The following FRMPD4 variants were observed in gnomAD, a reference collection of about 807,000 sequenced individuals.
The protein encoded by FRMPD4 is FERM and PDZ domain-containing protein 4.
In FRMPD4, 22 loss-of-function variants were observed where a neutral mutation model predicts 94.1. That is an observed-to-expected ratio of 0.23 (90% CI 0.17 to 0.33). The LOEUF is 0.33. FRMPD4 is among the 10% of genes least tolerant of loss of function. The pLI, the probability that FRMPD4 is intolerant of heterozygous loss-of-function variation, is 1.00. For missense variants in FRMPD4, 1,111 were observed against 1,339.9 expected, an observed-to-expected ratio of 0.83 and a Z score of 2.67; for synonymous variants, 631 against 548.6, an observed-to-expected ratio of 1.15 and a Z score of -2.10.
intron 3 of FRMPD4, among the ~76,000 whole-genome samples, chrX:11,928,771 A>G (rs768704720): frequency 6.2e-5 from 7 of 112,530 alleles, no homozygotes; most frequent in Non-Finnish European, 1.3e-4. Context: ...TATATACCCA[A>G]TGGAATGTAA....
intron 1 of FRMPD4, among the ~76,000 whole-genome samples, chrX:12,144,187 G>A (rs910313375): frequency 2.7e-5 from 3 of 112,112 alleles, no homozygotes; most frequent in Non-Finnish European, 5.6e-5. Flanking sequence ...CAGATAAGTG[G>A]ATTTAGTTGT....
chrX:12,278,379 C>T (rs2054474458), intron 1 of FRMPD4, among the ~76,000 whole-genome samples: 1 of 111,866 alleles, frequency 8.9e-6, no homozygotes, highest in Non-Finnish European at 1.9e-5. Flanking sequence ...ATTCTTTTCC[C>T]AACTGGCTTC....
chrX:11,964,716 G>T (rs999117150), intron 3 of FRMPD4, among the ~76,000 whole-genome samples: 1 of 112,541 alleles, frequency 8.9e-6, no homozygotes, highest in African/African-American at 3.2e-5. Context: ...TATGTCCTGT[G>T]TCAGTTGTCT....
chrX:12,231,021 ATATATATAG>A (rs2056991492), intron 1 of FRMPD4, among the ~76,000 whole-genome samples: 1 of 51,809 alleles, frequency 1.9e-5, no homozygotes, highest in African/African-American at 7.4e-5. Flanking sequence ...TATATATAGT[ATATATATAG>A]TATATATATA....
intron 1 of FRMPD4, among the ~76,000 whole-genome samples, chrX:12,211,466 G>A (rs1236800450): frequency 8.9e-6 from 1 of 112,196 alleles, no homozygotes; most frequent in Non-Finnish European, 1.9e-5. Flanking sequence ...TGCATGTTTA[G>A]TTTAGTAGAG....
At chrX:12,688,301 A>G (rs986123703) in intron 7 of FRMPD4, among the ~76,000 whole-genome samples, 1 of 112,065 alleles carries the variant, frequency 8.9e-6, no homozygotes, top group Non-Finnish European at 1.9e-5. Context: ...ACTTGAATGC[A>G]TTTCTTAACA....
At chrX:12,427,400 A>G (rs2056957738) in intron 1 of FRMPD4, among the ~76,000 whole-genome samples, 1 of 111,453 alleles carries the variant, frequency 9.0e-6, no homozygotes, top group African/African-American at 3.3e-5. Flanking sequence ...GACAAGTACT[A>G]TGCAAACACC....
intron 1 of FRMPD4, among the ~76,000 whole-genome samples, chrX:11,863,308 G>T (rs2053699388): frequency 9.1e-6 from 1 of 110,122 alleles, no homozygotes; most frequent in Non-Finnish European, 1.9e-5. Flanking sequence ...TGCTGAGAAT[G>T]ATGGTTTCCA....
intron 1 of FRMPD4, among the ~76,000 whole-genome samples, chrX:12,166,092 A>G (rs1403299431): frequency 8.9e-6 from 1 of 111,915 alleles, no homozygotes; most frequent in East Asian, 2.8e-4. Flanking sequence ...ACTATGTTGA[A>G]TAGGAGTGGT....
At chrX:12,499,484 C>T (rs752709274) in intron 2 of FRMPD4, among the ~76,000 whole-genome samples, 57 of 112,175 alleles carry the variant, frequency 5.1e-4, no homozygotes, top group Non-Finnish European at 9.0e-4. Flanking sequence ...TTTCATGATA[C>T]CCGAAAGAAT....
chrX:12,592,604 C>A (rs766409644), intron 2 of FRMPD4, among the ~76,000 whole-genome samples: 2 of 111,268 alleles, frequency 1.8e-5, no homozygotes, highest in African/African-American at 6.5e-5. Flanking sequence ...ATTCTTGTAC[C>A]CTTCTTGCTT....
chrX:12,693,865 A>G (rs1234668640), intron 8 of FRMPD4, among the ~76,000 whole-genome samples: 3 of 111,656 alleles, frequency 2.7e-5, no homozygotes, highest in Admixed American at 9.5e-5. Flanking sequence ...ACCGGAGCCC[A>G]TCGTGTCCAA....
At chrX:12,478,248 G>T (rs908297402) in intron 1 of FRMPD4, among the ~76,000 whole-genome samples, 1 of 111,860 alleles carries the variant, frequency 8.9e-6, no homozygotes, top group Non-Finnish European at 1.9e-5. Context: ...AGCATTCCAA[G>T]GACAGGAACT....
chrX:11,923,159 T>C (rs1277406164), intron 3 of FRMPD4, among the ~76,000 whole-genome samples: 1 of 112,905 alleles, frequency 8.9e-6, no homozygotes, highest in African/African-American at 3.2e-5. Context: ...CATGGGCAGG[T>C]TTTGCTTTAC....
intron 3 of FRMPD4, among the ~76,000 whole-genome samples, chrX:12,026,042 T>C (rs2054659574): frequency 8.9e-6 from 1 of 112,101 alleles, no homozygotes; most frequent in African/African-American, 3.2e-5. Context: ...CTCAGTGGTC[T>C]ACATATCAAT....
chrX:12,573,432 G>C (rs1003715329), intron 2 of FRMPD4, among the ~76,000 whole-genome samples: 19 of 112,589 alleles, frequency 1.7e-4, no homozygotes, highest in African/African-American at 5.5e-4. Context: ...GAATCTTAGA[G>C]TGAAGTGGGT....
At chrX:11,923,107 C>T (rs936963926) in intron 3 of FRMPD4, among the ~76,000 whole-genome samples, 1 of 113,026 alleles carries the variant, frequency 8.8e-6, no homozygotes, top group Non-Finnish European at 1.9e-5. Flanking sequence ...GCTTCCCCAG[C>T]CCCACAGCAA....
At chrX:12,288,157 A>G (rs1338009658) in intron 1 of FRMPD4, among the ~76,000 whole-genome samples, 2 of 112,073 alleles carry the variant, frequency 1.8e-5, no homozygotes, top group African/African-American at 6.5e-5. Context: ...TATTCATGGC[A>G]GAAGGGATGA....
chrX:12,041,421 A>T (rs2054754095), intron 3 of FRMPD4, among the ~76,000 whole-genome samples: 1 of 112,158 alleles, frequency 8.9e-6, no homozygotes, highest in Admixed American at 9.4e-5. Context: ...TATAAAGGAT[A>T]GTTTTGCTGG....
Sources: allele counts gnomAD v4.1 joint callset (sites outside exome capture counted in the v4.1 genomes callset), GRCh38; gene constraint gnomAD v4.1.1; transcripts MANE v1.5; gene names NCBI Gene and HGNC (gene_info 2026-07-23, HGNC 2026-07-21).